Variants in GALNT2 observed in about 807,000 individuals in gnomAD.
GALNT2 encodes the protein UDP-GalNAc:polypeptide N-acetylgalactosaminyltransferase 2.
In GALNT2, 31 loss-of-function variants were observed where a neutral mutation model predicts 81.4. The ratio of observed to expected loss-of-function variants is 0.38; its 90% CI spans 0.29 to 0.51. The LOEUF (loss-of-function observed/expected upper bound fraction) is 0.51. Among genes scored for constraint, GALNT2 ranks in the 20% least tolerant of loss-of-function variants. The probability of loss-of-function intolerance (pLI) is 0.87; values close to 1 mark genes in which losing one functional copy is unlikely to be tolerated. For synonymous variants in GALNT2, 303 were observed against 287.4 expected, an observed-to-expected ratio of 1.05 and a Z score of -0.55; for missense variants, 629 against 765.7, an observed-to-expected ratio of 0.82 and a Z score of 2.11.
chr1:230,120,076 C>G (rs1660966872), intron 1 of GALNT2, among the ~76,000 whole-genome samples: 1 of 151,784 alleles, frequency 6.6e-6, no homozygotes, highest in Non-Finnish European at 1.5e-5. Context: ...CTGTTCCTCC[C>G]CTGTGCCCTC....
intron 1 of GALNT2, among the ~76,000 whole-genome samples, chr1:230,174,964 G>A (rs1662914805): frequency 6.6e-6 from 1 of 152,170 alleles, no homozygotes; most frequent in African/African-American, 2.4e-5. Flanking sequence ...GTTCTACGCG[G>A]GGCCTGTGCC....
chr1:230,269,537 C>A (rs1161733647), intron 14 of GALNT2, among the ~76,000 whole-genome samples: 2 of 152,106 alleles, frequency 1.3e-5, no homozygotes, highest in Admixed American at 1.3e-4. Context: ...GCCCAGAGAG[C>A]CTGATCTAAT....
At chr1:230,241,464 G>T (rs1245734984) in intron 6 of GALNT2, among the ~76,000 whole-genome samples, 4 of 150,534 alleles carry the variant, frequency 2.7e-5, no homozygotes, top group African/African-American at 9.8e-5. Context: ...TTGTTTGTTT[G>T]TGACAGCGTT....
At chr1:230,247,365 C>G (rs1470584575) in intron 8 of GALNT2, among the ~76,000 whole-genome samples, 1 of 152,214 alleles carries the variant, frequency 6.6e-6, no homozygotes. Flanking sequence ...ATGGGCAGGC[C>G]ATTTTGCCTC....
intron 1 of GALNT2, among the ~76,000 whole-genome samples, chr1:230,175,794 ACCT>A (rs1662961269): frequency 6.6e-6 from 1 of 151,436 alleles, no homozygotes; most frequent in Non-Finnish European, 1.5e-5. Context: ...TATGTGAGTG[ACCT>A]CCTAGAAATG....
intron 3 of GALNT2, among the ~76,000 whole-genome samples, chr1:230,225,782 A>T (rs1664691912): frequency 6.6e-6 from 1 of 151,858 alleles, no homozygotes. Flanking sequence ...CACATTAGAG[A>T]ACTGTTTCAC....
chr1:230,143,864 A>G (rs1661828947), intron 1 of GALNT2, among the ~76,000 whole-genome samples: 1 of 152,192 alleles, frequency 6.6e-6, no homozygotes, highest in Non-Finnish European at 1.5e-5. Context: ...TGTCCTGATG[A>G]TGGTCCCTCC....
At position 230,109,842 on chromosome 1, in the gene GALNT2, AAAAG is replaced by A. The variant is rs1229639483; in HGVS notation, c.126+42439_126+42442del. On this transcript the variant is annotated intron_variant, in intron 1 of 15. Coordinates refer to ENST00000366672, the MANE Select transcript of GALNT2 (RefSeq NM_004481.5). ...CGAAACTTCGTCTCCAAAAAAAAAA[AAAAG>A]AAGGAACACTGTTAGGGAGGCAGTC... 1.2e-4 allele frequency among the ~76,000 whole-genome samples: 19 copies of A among 152,290 alleles called. No homozygotes were observed. The East Asian group carries it at 3.7e-3, about 29-fold the overall frequency.
In GALNT2 at chr1:230,091,529, A is replaced by G. The variant is rs571713283; in HGVS notation, c.126+24123A>G. 3 of 152,316 alleles carry G rather than the reference A, an allele frequency of 2.0e-5. No individual in the cohort carries two copies. In the South Asian group the frequency reaches 6.2e-4, roughly 32 times the overall value. The allele number at this position is 152,316 out of a possible 1,614,324, so 9.4% of individuals were successfully genotyped here. A position where few individuals can be genotyped will look rare whatever the true frequency, so the allele number is the denominator to read the frequency against. On this transcript the variant is annotated intron_variant, in intron 1 of 15. Coordinates refer to ENST00000366672, the MANE Select transcript of GALNT2 (RefSeq NM_004481.5). ...AGAATCAATACCCTCTCCTTAGGGT[A>G]GTGATGGAGATTGATTTTTCAAAAA... is the stretch of plus-strand genomic sequence containing the variant.
At chr1:230,150,725 G>C (rs890996886) in intron 1 of GALNT2, among the ~76,000 whole-genome samples, 2 of 152,220 alleles carry the variant, frequency 1.3e-5, no homozygotes, top group Admixed American at 1.3e-4. Flanking sequence ...GCGACATTCA[G>C]CCTCTCCTTG....
intron 14 of GALNT2, 57 bp downstream of exon 14, chr1:230,265,424 GGGTCCTGAT>G: frequency 1.9e-6 from 3 of 1,607,952 alleles, no homozygotes; most frequent in Non-Finnish European, 2.6e-6. Context: ...GGAGTTGGGG[GGGTCCTGAT>G]GTTAGAAGTC....
At chr1:230,129,675 T>TC (rs869106266) in intron 1 of GALNT2, among the ~76,000 whole-genome samples, 1 of 152,142 alleles carries the variant, frequency 6.6e-6, no homozygotes, top group Non-Finnish European at 1.5e-5. Context: ...TTACTTTTTT[T>TC]CCCCCCAAAA....
At chr1:230,198,008 G>A (rs192807795) in intron 2 of GALNT2, among the ~76,000 whole-genome samples, 1 of 152,324 alleles carries the variant, frequency 6.6e-6, no homozygotes, top group Non-Finnish European at 1.5e-5. Flanking sequence ...AGGAGTAAGC[G>A]TCCGGCGCAA....
chr1:230,110,218 A>C (rs2102788582), intron 1 of GALNT2, among the ~76,000 whole-genome samples: 1 of 152,214 alleles, frequency 6.6e-6, no homozygotes, highest in South Asian at 2.1e-4. Flanking sequence ...GTGGTTTTTA[A>C]TTTTTGTGAC....
At chr1:230,078,121 C>T (rs761145447) in intron 1 of GALNT2, among the ~76,000 whole-genome samples, 4 of 152,188 alleles carry the variant, frequency 2.6e-5, no homozygotes, top group African/African-American at 4.8e-5. Flanking sequence ...CCAATTACAG[C>T]CTTTCTTTTT....
rs541605359 is a variant in GALNT2 at position 230,167,723 on chromosome 1, A to C, written c.127-10495A>C. ...TGATGGGAGGAAGGGGCGGTGGAGC[A>C]GCACGGGTGTGAAATGTGCAGGGCT... On this transcript the variant is annotated intron_variant, in intron 1 of 15. Transcript: ENST00000366672. Among the ~76,000 whole-genome samples, 15 of 152,276 alleles carry C rather than the reference A, an allele frequency of 9.9e-5. No individual in the cohort carries two copies. The South Asian group carries it at 2.5e-3, about 25-fold the overall frequency.
chr1:230,155,699 A>G (rs1156984689), intron 1 of GALNT2, among the ~76,000 whole-genome samples: 1 of 152,070 alleles, frequency 6.6e-6, no homozygotes, highest in Non-Finnish European at 1.5e-5. Flanking sequence ...TATAACCCCA[A>G]AACTGGGCTC....
intron 6 of GALNT2, among the ~76,000 whole-genome samples, chr1:230,242,722 G>T (rs961911185): frequency 2.6e-5 from 4 of 152,046 alleles, no homozygotes; most frequent in Non-Finnish European, 4.4e-5. Context: ...TTTGTATTTT[G>T]TGTCATAATG....
At chr1:230,172,932 A>G (rs1011562947) in intron 1 of GALNT2, among the ~76,000 whole-genome samples, 1 of 152,196 alleles carries the variant, frequency 6.6e-6, no homozygotes, top group African/African-American at 2.4e-5. Context: ...CTCTCTGATT[A>G]TGGCAGGTAA....
Sources: allele counts gnomAD v4.1 joint callset (sites outside exome capture counted in the v4.1 genomes callset), GRCh38; gene constraint gnomAD v4.1.1; transcripts MANE v1.5; gene names NCBI Gene and HGNC (gene_info 2026-07-23, HGNC 2026-07-21).